The following ARFGAP2 variants were observed in gnomAD, a reference collection of about 807,000 sequenced individuals.
ARFGAP2 encodes ARF GTPase activating protein 2.
A neutral mutation model predicts 71.9 loss-of-function variants in ARFGAP2; 45 were observed. That is an observed-to-expected ratio of 0.63 (90% CI 0.49 to 0.80). ARFGAP2 has a LOEUF of 0.80. Among genes scored for constraint, ARFGAP2 ranks in the 30% least tolerant of loss-of-function variants. The pLI, the probability that ARFGAP2 is intolerant of heterozygous loss-of-function variation, is 0.00. For missense variants in ARFGAP2, 633 were observed against 673.9 expected, an observed-to-expected ratio of 0.94 and a Z score of 0.67; for synonymous variants, 248 against 249.2, an observed-to-expected ratio of 1.00 and a Z score of 0.05.
chr11:47,166,616 G>A lies in ARFGAP2; in HGVS notation c.1333-17C>T, dbSNP rs1248706406. 1.3e-5 allele frequency: 21 copies of A among 1,610,262 alleles called. No homozygotes were observed. The highest frequency in any genetic ancestry group is 1.8e-5 in the Non-Finnish European group (21 of 1,179,486). Reference sequence around the variant, plus strand: ...GGCCTCATACTGTGGTGAGGAAAAGGCCAGGCCTGGGGATCTTGGGGCTGA... The same window carrying A: ...GGCCTCATACTGTGGTGAGGAAAAGACCAGGCCTGGGGATCTTGGGGCTGA... On this transcript the variant is annotated splice_polypyrimidine_tract_variant and intron_variant, in intron 13 of 15. Transcript: ENST00000524782.
rs758059833 is a variant in ARFGAP2 at position 47,175,266 on chromosome 11, G to A, written c.312C>T (p.Thr104=). 3.7e-6 allele frequency: 6 copies of A among 1,614,126 alleles called. No homozygotes were observed. The highest frequency in any genetic ancestry group is 5.1e-6 in the Non-Finnish European group (6 of 1,180,018). Residue 104 remains threonine, a synonymous_variant, in exon 4 of 16, where the codon ACC becomes ACT. Coordinates refer to ENST00000524782, the MANE Select transcript of ARFGAP2 (RefSeq NM_032389.6). ...QHGCTANDAN[T]KYNSRAAQMY... ...TCTGGGCAGCTCGGCTATTATATTT[G>A]GTGTTGGCATCATTGGCTGTGCATC...
In ARFGAP2 at chr11:47,171,697, G is replaced by A. The variant is rs980561758; in HGVS notation, c.776C>T (p.Ala259Val). 12 of 1,613,718 alleles carry A rather than the reference G, an allele frequency of 7.4e-6. No homozygotes were observed. Among genetic ancestry groups the A allele is most frequent in the Non-Finnish European group, 1.0e-5 (12 of 1,180,050 alleles). ...CTCCGCCTGCTTCTTGGCATCGGCT[G>A]CCTGCTGCTCACGGAGCTTCTCTGC... is the stretch of plus-strand genomic sequence containing the variant. The part of the protein sequence containing the change: ...QVAEKLREQQ[A>V]ADAKKQAEES... The change falls in exon 9 of 16, where the codon GCA becomes GTA. Residue 259 changes from alanine to valine, a missense_variant. By Grantham distance (64) the Ala-to-Val change is moderately conservative (BLOSUM62 0). Transcript: ENST00000524782.
Position 47,171,807 on chromosome 11 carries a change from A to G in ARFGAP2, c.673-7T>C. On this transcript the variant is annotated splice_region_variant and splice_polypyrimidine_tract_variant and intron_variant, in intron 8 of 15. Transcript: ENST00000524782. ...GGCCTTTCTTGGCACCCAGCTGGGA[A>G]CAGAATCATGTAAGGGGCCTTCCCA... is the stretch of plus-strand genomic sequence containing the variant. The G allele has an allele frequency of 6.2e-7, 1 of 1,613,364 alleles. No homozygotes were observed. Among genetic ancestry groups the G allele is most frequent in the Middle Eastern group, 1.7e-4 (1 of 5,962 alleles).
intron 1 of ARFGAP2, 41 bp downstream of exon 1, chr11:47,176,741 C>T (rs772104563): frequency 6.2e-7 from 1 of 1,613,426 alleles, no homozygotes; most frequent in South Asian, 1.1e-5. Context: ...CCCTCAGGCC[C>T]CAGCGGGACG....
chr11:47,171,592 CA>C, intron 9 of ARFGAP2, 35 bp from the exon 10 acceptor site: 1 of 1,613,926 alleles, frequency 6.2e-7, no homozygotes, highest in Non-Finnish European at 8.5e-7. Context: ...GGCCACCACC[CA>C]TCCTGACCTG....
chr11:47,176,606 G>A lies in ARFGAP2; in HGVS notation c.101C>T (p.Pro34Leu), dbSNP rs2135443269. 6.2e-7 allele frequency: 1 copy of A among 1,614,094 alleles called. No homozygotes were observed. Among genetic ancestry groups the A allele is most frequent in the East Asian group, 2.2e-5 (1 of 44,878 alleles). ...KACFDCGAKN[P>L]SWASITYGVF... ...ACCGTACGTGATGCTGGCCCAACTC[G>A]GATTCTTGGCGCCGCAGTCGAAACA... Residue 34 changes from proline (P) to leucine (L), a missense_variant, in exon 2 of 16, where the codon CCG (proline) becomes CTG (leucine). Coordinates refer to ENST00000524782, the MANE Select transcript of ARFGAP2 (RefSeq NM_032389.6).
rs370346253 is a variant in ARFGAP2, at chr11:47,175,311, C to G, written c.267G>C (p.Thr89=). The part of the protein sequence containing the change: ...CMQVGGNANA[T]AFFRQHGCTA... ...TGCATCCATGTTGGCGAAAAAAAGC[C>G]GTCTGGAGAGCAAAGAAGAGAGCAG... Residue 89 remains threonine, a splice_region_variant and synonymous_variant, in exon 4 of 16, where the codon ACG becomes ACC. Transcript: ENST00000524782. The G allele has an allele frequency of 6.2e-7, 1 of 1,614,034 alleles. No individual in the cohort carries two copies. The highest frequency in any genetic ancestry group is 1.7e-5 in the Admixed American group (1 of 60,018).
chr11:47,165,382 C>T lies in ARFGAP2; in HGVS notation c.*100G>A, dbSNP rs560171804. 6 of 1,467,826 alleles carry T rather than the reference C, an allele frequency of 4.1e-6. No individual in the cohort carries two copies. In the South Asian group the frequency reaches 6.8e-5, roughly 17 times the overall value. 90.9% of individuals were successfully genotyped at this position (1,467,826 alleles called of 1,614,324 possible). On this transcript the variant is annotated 3_prime_UTR_variant, in exon 16 of 16. Transcript: ENST00000524782. ...CACACACACCACACATACGAAGTAA[C>T]AAATCCTCCCCAGCTTCCACAAGGC...
intron 14 of ARFGAP2, 35 bp from the exon 15 acceptor site, chr11:47,166,421 C>G: frequency 6.2e-7 from 1 of 1,611,958 alleles, no homozygotes; most frequent in Non-Finnish European, 8.5e-7. Context: ...CAGAGCCCAG[C>G]AAGAAGCCCT....
In ARFGAP2 at chr11:47,168,201, G is replaced by A. The variant is rs1420985085; in HGVS notation, c.992C>T (p.Thr331Ile). Reference sequence around the variant, plus strand: ...GCGAGAGGATTTTGCACTCACTGGGGTTTCCTGCTCAATCACCTGCATCTC... The same window carrying A: ...GCGAGAGGATTTTGCACTCACTGGGATTTCCTGCTCAATCACCTGCATCTC... ...LSEMQVIEQE[T>I]PVSAKSSRSQ... The change falls in exon 11 of 16, where the codon ACC (threonine) becomes ATC (isoleucine). Residue 331 changes from threonine to isoleucine, a missense_variant. By Grantham distance (89) the Thr-to-Ile change is moderately conservative. Coordinates refer to ENST00000524782, the MANE Select transcript of ARFGAP2 (RefSeq NM_032389.6). The A allele has an allele frequency of 1.9e-6, 3 of 1,614,242 alleles. No homozygotes were observed. Among genetic ancestry groups the A allele is most frequent in the Admixed American group, 3.3e-5 (2 of 60,030 alleles).
intron 6 of ARFGAP2, 137 bp downstream of exon 6, chr11:47,173,622 A>C: frequency 7.1e-7 from 1 of 1,411,402 alleles, no homozygotes; most frequent in South Asian, 1.4e-5. Flanking sequence ...ACTTCCTCCA[A>C]GGATTAAAAT....
intron 10 of ARFGAP2, among the ~76,000 whole-genome samples, chr11:47,169,002 A>G (rs771758754): frequency 9.2e-5 from 14 of 151,596 alleles, no homozygotes; most frequent in Non-Finnish European, 1.5e-4. Context: ...TGAGTTCTTC[A>G]TCATCCTACT....
At chr11:47,167,818 G>A (rs1290041592) in intron 12 of ARFGAP2, 91 bp downstream of exon 12, 1 of 1,425,510 alleles carries the variant, frequency 7.0e-7, no homozygotes, top group Admixed American at 2.7e-5. Flanking sequence ...AACACAGAAA[G>A]TTCTTCTAGA....
At chr11:47,176,359 C>A (rs1952824410) in intron 2 of ARFGAP2, 157 bp downstream of exon 2, 3 of 713,974 alleles carry the variant, frequency 4.2e-6, no homozygotes, top group Non-Finnish European at 7.1e-6. Context: ...AGGGCCCACA[C>A]AGGTGGTTCC....
At position 47,164,339 on chromosome 11, in the gene ARFGAP2, T is replaced by C; in HGVS notation, c.*1143A>G. The C allele has an allele frequency of 7.2e-7, 1 of 1,380,792 alleles. No individual in the cohort carries two copies. Among genetic ancestry groups the C allele is most frequent in the Non-Finnish European group, 9.7e-7 (1 of 1,032,710 alleles). 85.5% of individuals were successfully genotyped at this position (1,380,792 alleles called of 1,614,324 possible). On this transcript the variant is annotated 3_prime_UTR_variant, in exon 16 of 16. Coordinates refer to ENST00000524782, the MANE Select transcript of ARFGAP2 (RefSeq NM_032389.6). ...ACAGGGAGCCAGGCCCTGCAGGGGC[T>C]TTATTTTGACACCACTTTGTTTCAA... is the stretch of plus-strand genomic sequence containing the variant.
At chr11:47,169,807 C>T (rs1391572149) in intron 10 of ARFGAP2, among the ~76,000 whole-genome samples, 3 of 152,078 alleles carry the variant, frequency 2.0e-5, no homozygotes, top group African/African-American at 7.2e-5. Context: ...GCCTAGGCAA[C>T]GAGATTGAAA....
Position 47,172,335 on chromosome 11 carries a change from T to C in ARFGAP2, c.620-2A>G, listed in dbSNP as rs757209001. 1 of 1,614,188 alleles carries C rather than the reference T, an allele frequency of 6.2e-7. No individual in the cohort carries two copies. The highest frequency in any genetic ancestry group is 1.1e-5 in the South Asian group (1 of 91,088). On this transcript the variant is annotated splice_acceptor_variant, in intron 7 of 15. Coordinates refer to ENST00000524782, the MANE Select transcript of ARFGAP2 (RefSeq NM_032389.6). LOFTEE classifies it high-confidence loss of function. Reference sequence around the variant, plus strand: ...TGCCAATGATGGAGCTTTTCAGTTCTGCGTGAGAAACGGGTAGGCATGAGC... The same window carrying C: ...TGCCAATGATGGAGCTTTTCAGTTCCGCGTGAGAAACGGGTAGGCATGAGC...
In ARFGAP2 at chr11:47,176,571, A is replaced by G; in HGVS notation, c.136T>C (p.Cys46Arg). ...CGGTGCACCCCGGAACAGTCAATGC[A>G]CAAGAAAACACCGTACGTGATGCTG... is the stretch of plus-strand genomic sequence containing the variant. ...WASITYGVFL[C>R]IDCSGVHRSL... The change falls in exon 2 of 16, where the codon TGC becomes CGC. Residue 46 changes from cysteine to arginine, a missense_variant. Transcript: ENST00000524782. 1 of 1,614,048 alleles carries G rather than the reference A, an allele frequency of 6.2e-7. No homozygotes were observed. The highest frequency in any genetic ancestry group is 8.5e-7 in the Non-Finnish European group (1 of 1,180,034).
chr11:47,173,243 G>C, intron 7 of ARFGAP2, 183 bp downstream of exon 7: 1 of 743,138 alleles, frequency 1.3e-6, no homozygotes, highest in South Asian at 1.7e-5. Context: ...CAATTCAAAG[G>C]GCTTGGCTCT....
Sources: gnomAD v4.1 joint callset for allele counts (sites outside exome capture counted in the v4.1 genomes callset) on GRCh38, gnomAD v4.1.1 for gene constraint, MANE v1.5 for transcripts, NCBI Gene and HGNC (gene_info 2026-07-23, HGNC 2026-07-21) for gene names.